Variants in PCDHGA8 observed in about 807,000 individuals in gnomAD.
The protein encoded by PCDHGA8 is protocadherin gamma-A8.
In PCDHGA8, 45 loss-of-function variants were observed where a neutral mutation model predicts 59.2. That is an observed-to-expected ratio of 0.76 (90% CI 0.60 to 0.98). The LOEUF (loss-of-function observed/expected upper bound fraction) is 0.98. PCDHGA8 is among the 50% of genes least tolerant of loss of function. The pLI is 0.00. For missense variants in PCDHGA8, 1,257 were observed against 1,196.2 expected (o/e 1.05, Z -0.75); for synonymous variants, 531 against 519.0 (o/e 1.02, Z -0.32).
chr5:141,475,106 G>T (rs1182368610), intron 1 of PCDHGA8, among the ~76,000 whole-genome samples: 6 of 152,220 alleles, frequency 3.9e-5, no homozygotes, highest in Admixed American at 2.0e-4. Context: ...ATCCTAGGTG[G>T]TAAATAGGCC....
Position 141,420,413 on chromosome 5 carries a change from A to G in PCDHGA8, c.2424+25176A>G, listed in dbSNP as rs191893876. 4 of 1,222,394 alleles carry G rather than the reference A, an allele frequency of 3.3e-6. No individual in the cohort carries two copies. In the Admixed American group the frequency reaches 1.1e-4, roughly 33 times the overall value. 75.7% of individuals were successfully genotyped at this position (1,222,394 alleles called of 1,614,324 possible). A position where few individuals can be genotyped will look rare whatever the true frequency, so the allele number is the denominator to read the frequency against. ...ATAGGTCAAATTTATGGTTATCATT[A>G]TTAAAACAAAAGTTTAAATTAAATG... On this transcript the variant is annotated intron_variant, in intron 1 of 3. Transcript: ENST00000398604.
rs1228771998 is a variant in PCDHGA8 at position 141,477,832 on chromosome 5, A to G, written c.2425-16975A>G. The stretch of plus-strand genomic sequence containing the variant: ...CCCCCCAGGTCCTATATCCTCGGCC[A>G]GGTGGGAGCTCGGTGGAGATGCTGC... On this transcript the variant is annotated intron_variant, in intron 1 of 3. Transcript: ENST00000398604. This position sits in a 1 kb window ranked among gnomAD's most constrained non-coding sequence, Gnocchi z 4.9. 1.2e-6 allele frequency: 2 copies of G among 1,614,166 alleles called. No homozygotes were observed. Among genetic ancestry groups the G allele is most frequent in the South Asian group, 1.1e-5 (1 of 91,086 alleles).
rs2092669892 is a variant in PCDHGA8, at chr5:141,393,072, G to A, written c.259G>A (p.Ala87Thr). 6.2e-7 allele frequency: 1 copy of A among 1,613,680 alleles called. No homozygotes were observed. The change falls in exon 1 of 4, where the codon GCG becomes ACG. Residue 87 changes from alanine (A) to threonine (T), a missense_variant. Transcript: ENST00000398604. Reference protein sequence around the residue: ...LNPRSGSLITAGRIDREELCA... With the variant: ...LNPRSGSLITTGRIDREELCA... ...CCCGCGCAGCGGCAGCTTGATCACC[G>A]CGGGCAGGATAGATCGGGAGGAGCT...
intron 1 of PCDHGA8, chr5:141,418,462 C>G: frequency 1.2e-6 from 2 of 1,613,974 alleles, no homozygotes; most frequent in Non-Finnish European, 8.5e-7. Flanking sequence ...AGACTCTGGA[C>G]CGAGAAACGC....
At chr5:141,407,964 C>G in intron 1 of PCDHGA8, 1 of 683,628 alleles carries the variant, frequency 1.5e-6, no homozygotes, top group Non-Finnish European at 2.3e-6. Context: ...GCAGAGCAAG[C>G]GCTGACGCCG....
At chr5:141,473,750 G>A (rs777343462) in intron 1 of PCDHGA8, among the ~76,000 whole-genome samples, 3 of 152,192 alleles carry the variant, frequency 2.0e-5, no homozygotes, top group Non-Finnish European at 4.4e-5. Context: ...TGAGAACTTG[G>A]ATACTATGCA....
At position 141,430,969 on chromosome 5, in the gene PCDHGA8, T is replaced by C. The variant is rs560722324; in HGVS notation, c.2424+35732T>C. The C allele has an allele frequency of 1.5e-4, 246 of 1,613,012 alleles. 3 individuals carry two copies. The South Asian group carries it at 2.6e-3, about 17-fold the overall frequency. The stretch of plus-strand genomic sequence containing the variant: ...GCGGAGTCCGCATCATCCCCAGAGG[T>C]AGGACGCAGCTTTTCGCCCTGAATC... On this transcript the variant is annotated intron_variant, in intron 1 of 3. Transcript: ENST00000398604.
At chr5:141,494,362 A>T (rs527454959) in intron 1 of PCDHGA8, among the ~76,000 whole-genome samples, 47 of 152,300 alleles carry the variant, frequency 3.1e-4, no homozygotes, top group Admixed American at 8.5e-4. Context: ...GCTGCAGAGG[A>T]TGCTTTGTTC....
intron 1 of PCDHGA8, chr5:141,399,489 A>G (rs764497801): frequency 2.5e-6 from 4 of 1,614,008 alleles, no homozygotes; most frequent in South Asian, 1.1e-5. Context: ...CGTCCTACTT[A>G]GTCAGTGTAC....
chr5:141,419,275 G>T (rs777238100), intron 1 of PCDHGA8: 35 of 1,613,856 alleles, frequency 2.2e-5, no homozygotes, highest in Non-Finnish European at 2.9e-5. Flanking sequence ...CCTCCATAGC[G>T]CAAGTCAGTG....
intron 2 of PCDHGA8, among the ~76,000 whole-genome samples, chr5:141,498,004 G>C (rs1385457484): frequency 6.6e-6 from 1 of 152,316 alleles, no homozygotes; most frequent in African/African-American, 2.4e-5. Flanking sequence ...GGAGTTTACA[G>C]TGCACTGAAG....
intron 1 of PCDHGA8, among the ~76,000 whole-genome samples, chr5:141,437,434 G>T (rs183505868): frequency 2.6e-5 from 4 of 152,194 alleles, no homozygotes; most frequent in East Asian, 3.8e-4. Context: ...AGCAGCAATA[G>T]CATAGGAATG....
At chr5:141,420,252 C>T (rs745697672) in intron 1 of PCDHGA8, 1 of 1,576,604 alleles carries the variant, frequency 6.3e-7, no homozygotes, top group Non-Finnish European at 8.6e-7. Flanking sequence ...AGCGTTGAAG[C>T]AGATAAGAAG....
intron 1 of PCDHGA8, chr5:141,441,973 C>T (rs1457832429): frequency 6.7e-6 from 2 of 296,542 alleles, no homozygotes; most frequent in Admixed American, 4.4e-5. Context: ...GCTCTTCAGC[C>T]TGGAATGCGC....
At chr5:141,499,548 A>G (rs1312910986) in intron 2 of PCDHGA8, among the ~76,000 whole-genome samples, 3 of 152,226 alleles carry the variant, frequency 2.0e-5, no homozygotes, top group African/African-American at 7.2e-5. Flanking sequence ...ATGAACCTGT[A>G]TGATACCACT....
rs2099883627 is a variant in PCDHGA8, at chr5:141,511,136, G to A, written c.2762G>A (p.Gly921Asp). 4.3e-6 allele frequency: 7 copies of A among 1,614,194 alleles called. No homozygotes were observed. The East Asian group carries it at 1.6e-4, about 36-fold the overall frequency. The change falls in exon 4 of 4, where the codon GGC (glycine) becomes GAC (aspartate). Residue 921 changes from glycine (G) to aspartate (D), a missense_variant. Physicochemically the swap from Gly to Asp is moderately conservative, Grantham distance 94. Coordinates refer to ENST00000398604, the MANE Select transcript of PCDHGA8 (RefSeq NM_032088.2). ...GGCAAGGCCCCAGCAGGTGGCAATG[G>A]CAACAAGAAGAAGTCGGGCAAGAAG... Reference protein sequence around the residue: ...RDGKAPAGGNGNKKKSGKKEK... With the variant: ...RDGKAPAGGNDNKKKSGKKEK...
chr5:141,398,011 T>A lies in PCDHGA8; in HGVS notation c.2424+2774T>A, dbSNP rs531266866. On this transcript the variant is annotated intron_variant, in intron 1 of 3. Coordinates refer to ENST00000398604, the MANE Select transcript of PCDHGA8 (RefSeq NM_032088.2). ...CGCTTCCTCCTCGGAAAAAGAATCG[T>A]TTCCTAAACTGGAACTGGAACTAAA... The A allele has an allele frequency of 2.7e-5, 38 of 1,413,006 alleles. No homozygotes were observed. In the African/African-American group the frequency reaches 4.3e-4, roughly 16 times the overall value. 87.5% of individuals were successfully genotyped at this position (1,413,006 alleles called of 1,614,324 possible). A position where few individuals can be genotyped will look rare whatever the true frequency, so the allele number is the denominator to read the frequency against.
At position 141,409,826 on chromosome 5, in the gene PCDHGA8, C is replaced by T. The variant is rs565116840; in HGVS notation, c.2424+14589C>T. 14 of 1,611,108 alleles carry T rather than the reference C, an allele frequency of 8.7e-6. No homozygotes were observed. The highest frequency in any genetic ancestry group is 1.3e-5 in the African/African-American group (1 of 75,000). On this transcript the variant is annotated intron_variant, in intron 1 of 3. Coordinates refer to ENST00000398604, the MANE Select transcript of PCDHGA8 (RefSeq NM_032088.2). ...GGCCCGCGACCACGGCTCGCCCACG[C>T]TCAGCGCCAACGTGAGCCTGCGCGT...
chr5:141,395,222 A>G lies in PCDHGA8; in HGVS notation c.2409A>G (p.Glu803=). ...TAGATTTTCATGAATATAAGAATGA[A>G]GCTGATCATGGTCAGGTGAGTTTAG... ...TSVDFHEYKN[E]ADHGQQAPPN... The change falls in exon 1 of 4, where the codon GAA becomes GAG. Residue 803 remains glutamate, a synonymous_variant. Coordinates refer to ENST00000398604, the MANE Select transcript of PCDHGA8 (RefSeq NM_032088.2). The G allele has an allele frequency of 1.2e-6, 2 of 1,611,606 alleles. No individual in the cohort carries two copies. The highest frequency in any genetic ancestry group is 1.7e-6 in the Non-Finnish European group (2 of 1,178,410).
Sources: gnomAD v4.1 joint callset for allele counts (sites outside exome capture counted in the v4.1 genomes callset) on GRCh38, gnomAD v4.1.1 for gene constraint, Gnocchi (gnomAD v3.1) non-coding constraint, MANE v1.5 for transcripts, NCBI Gene and HGNC (gene_info 2026-07-23, HGNC 2026-07-21) for gene names.